Variants in ARHGAP15 observed in about 807,000 individuals in gnomAD.
ARHGAP15 encodes the protein Rho GTPase activating protein 15, also known as rho GTPase-activating protein 15.
Under a neutral mutation model 63.7 loss-of-function variants are expected in ARHGAP15, and 51 were observed. That is an observed-to-expected ratio of 0.80 (90% CI 0.64 to 1.01). The LOEUF (loss-of-function observed/expected upper bound fraction) is 1.01, where lower values mean the gene tolerates loss of function less well. Ranked by LOEUF, ARHGAP15 falls within the 50% of genes least tolerant of loss-of-function variation. The probability of loss-of-function intolerance (pLI) is 0.00; values close to 1 mark genes in which losing one functional copy is unlikely to be tolerated. For missense variants in ARHGAP15, 560 were observed against 564.6 expected (o/e 0.99, Z 0.08); for synonymous variants, 191 against 193.8 (o/e 0.99, Z 0.12).
chr2:143,551,798 C>G (rs1695575100), intron 10 of ARHGAP15, among the ~76,000 whole-genome samples: 1 of 152,098 alleles, frequency 6.6e-6, no homozygotes, highest in Non-Finnish European at 1.5e-5. Context: ...AAAATCAACA[C>G]CACTGAGTTG....
At chr2:143,446,379 T>C (rs528559393) in intron 8 of ARHGAP15, among the ~76,000 whole-genome samples, 2 of 152,098 alleles carry the variant, frequency 1.3e-5, no homozygotes, top group East Asian at 3.9e-4. Flanking sequence ...AGCAAGAATG[T>C]ACTTTTGCAA....
chr2:143,573,885 G>A (rs796258807), intron 11 of ARHGAP15, among the ~76,000 whole-genome samples: 4 of 151,826 alleles, frequency 2.6e-5, no homozygotes, highest in African/African-American at 9.7e-5. Context: ...GTTCATATTT[G>A]GTCCATTTCT....
chr2:143,254,625 G>A (rs7566131), intron 6 of ARHGAP15, among the ~76,000 whole-genome samples: 25,742 of 151,948 alleles, frequency 0.17, 2,348 homozygotes, highest in Middle Eastern at 0.25. Context: ...TATTAAATAT[G>A]TGAGAGTCTC....
intron 13 of ARHGAP15, among the ~76,000 whole-genome samples, chr2:143,717,194 C>CG (rs35482149): frequency 6.6e-6 from 1 of 152,216 alleles, no homozygotes; most frequent in Non-Finnish European, 1.5e-5. Context: ...TGCCCAACCA[C>CG]GGAAGATATT....
chr2:143,321,113 T>TCCTG (rs1433597946), intron 6 of ARHGAP15, among the ~76,000 whole-genome samples: 1 of 151,814 alleles, frequency 6.6e-6, no homozygotes, highest in Non-Finnish European at 1.5e-5. Context: ...TTTCCTGGTA[T>TCCTG]CCTGAGCATT....
chr2:143,590,520 G>A (rs1431451893), intron 11 of ARHGAP15, among the ~76,000 whole-genome samples: 1 of 152,106 alleles, frequency 6.6e-6, no homozygotes, highest in Non-Finnish European at 1.5e-5. Flanking sequence ...CTGTCCTCCA[G>A]GTCACTCCTC....
chr2:143,738,593 G>A (rs1054013182), intron 13 of ARHGAP15, among the ~76,000 whole-genome samples: 9 of 152,194 alleles, frequency 5.9e-5, no homozygotes, highest in Non-Finnish European at 1.0e-4. Context: ...CTGTAGTCAC[G>A]ATAATGTCAA....
At chr2:143,731,399 T>C (rs1685529939) in intron 13 of ARHGAP15, among the ~76,000 whole-genome samples, 1 of 152,190 alleles carries the variant, frequency 6.6e-6, no homozygotes, top group Non-Finnish European at 1.5e-5. Context: ...GTGGTCTCTA[T>C]TACCTCCATA....
At position 143,229,077 on chromosome 2, in the gene ARHGAP15, T is replaced by C. The variant is rs1377827901; in HGVS notation, c.384+409T>C. ...CGGATGATACTATGGGAAGCTGTTT[T>C]AAAGAATATTATAAGACGTAAATCA... On this transcript the variant is annotated intron_variant, in intron 5 of 13. Coordinates refer to ENST00000295095, the MANE Select transcript of ARHGAP15 (RefSeq NM_018460.4). Among the ~76,000 whole-genome samples, 7 of 152,302 alleles carry C rather than the reference T, an allele frequency of 4.6e-5. No individual in the cohort carries two copies. The East Asian group carries it at 1.3e-3, about 29-fold the overall frequency.
At chr2:143,178,538 G>A (rs754575606) in intron 2 of ARHGAP15, among the ~76,000 whole-genome samples, 19 of 152,182 alleles carry the variant, frequency 1.2e-4, no homozygotes, top group Non-Finnish European at 2.1e-4. Context: ...ATGGTATTAT[G>A]TTAAGTGCAT....
chr2:143,397,169 G>T (rs989574843), intron 6 of ARHGAP15, among the ~76,000 whole-genome samples: 8 of 152,092 alleles, frequency 5.3e-5, no homozygotes, highest in Admixed American at 3.3e-4. Flanking sequence ...TACAACTGGG[G>T]TCAGAAGACA....
chr2:143,643,629 A>G (rs1680721791), intron 12 of ARHGAP15, among the ~76,000 whole-genome samples: 1 of 152,044 alleles, frequency 6.6e-6, no homozygotes. Flanking sequence ...GCAAAAGTTT[A>G]AGAAGCATCT....
intron 4 of ARHGAP15, among the ~76,000 whole-genome samples, chr2:143,227,417 T>C (rs992604245): frequency 2.0e-5 from 3 of 152,176 alleles, no homozygotes; most frequent in Admixed American, 1.3e-4. Context: ...TTTGTAAAGA[T>C]GAACTGATTT....
At chr2:143,730,584 A>G (rs1685483097) in intron 13 of ARHGAP15, among the ~76,000 whole-genome samples, 3 of 152,304 alleles carry the variant, frequency 2.0e-5, no homozygotes, top group Admixed American at 2.0e-4. Flanking sequence ...CTCGAAACCC[A>G]CCAAATAACA....
chr2:143,601,739 T>C (rs1204691798), intron 11 of ARHGAP15: 2 of 152,194 alleles, frequency 1.3e-5, no homozygotes, highest in African/African-American at 2.4e-5. Context: ...AAAATAAGAA[T>C]ACTATTATGT....
chr2:143,423,012 T>A (rs1389567054), intron 6 of ARHGAP15, among the ~76,000 whole-genome samples: 1 of 152,074 alleles, frequency 6.6e-6, no homozygotes, highest in Non-Finnish European at 1.5e-5. Context: ...ATACCAAGCA[T>A]CTCAAGGTGG....
At chr2:143,702,711 C>T (rs1467775792) in intron 12 of ARHGAP15, among the ~76,000 whole-genome samples, 1 of 152,142 alleles carries the variant, frequency 6.6e-6, no homozygotes, top group Non-Finnish European at 1.5e-5. Context: ...GGCTCTGTCT[C>T]CTTGCCTTTC....
chr2:143,238,350 A>G (rs767496050), intron 5 of ARHGAP15: 4 of 152,206 alleles, frequency 2.6e-5, no homozygotes, highest in Non-Finnish European at 5.9e-5. Flanking sequence ...AATGTACAAG[A>G]AAAAACAAAC....
chr2:143,216,678 G>T (rs1692770187), intron 4 of ARHGAP15, among the ~76,000 whole-genome samples: 1 of 152,076 alleles, frequency 6.6e-6, no homozygotes, highest in South Asian at 2.1e-4. Context: ...TGTCCTCCTT[G>T]GACTTGAACT....
Sources: gnomAD v4.1 joint callset for allele counts (sites outside exome capture counted in the v4.1 genomes callset) on GRCh38, gnomAD v4.1.1 for gene constraint, MANE v1.5 for transcripts, NCBI Gene and HGNC (gene_info 2026-07-23, HGNC 2026-07-21) for gene names.